The following ATP2B4 variants were observed in gnomAD, a reference collection of about 807,000 sequenced individuals.
ATP2B4 encodes ATPase plasma membrane Ca2+ transporting 4, also known as plasma membrane calcium-transporting ATPase 4.
In ATP2B4, 39 loss-of-function variants were observed where a neutral mutation model predicts 110.3. That is an observed-to-expected ratio of 0.35 (90% CI 0.27 to 0.46). The LOEUF (loss-of-function observed/expected upper bound fraction) is 0.46. Ranked by LOEUF, ATP2B4 falls within the 20% of genes least tolerant of loss-of-function variation. The pLI is 1.00. For synonymous variants in ATP2B4, 538 were observed against 571.7 expected (o/e 0.94, Z 0.84); for missense variants, 1,135 against 1,530.9 (o/e 0.74, Z 4.32).
rs57153257 is a variant in ATP2B4, at chr1:203,674,637, CTTTTTTTTTTTTT to C, written c.-464-8082_-464-8070del. Among the ~76,000 whole-genome samples, 331 of 46,232 alleles carry C rather than the reference CTTTTTTTTTTTTT, an allele frequency of 7.2e-3. 1 individual carries two copies. Among genetic ancestry groups the C allele is most frequent in the East Asian group, 0.032 (45 of 1,412 alleles). The allele number at this position is 46,232 out of a possible 152,430, so 30.3% of individuals were successfully genotyped here. On this transcript the variant is annotated intron_variant, in intron 1 of 20. Coordinates refer to ENST00000357681, the MANE Select transcript of ATP2B4 (RefSeq NM_001684.5). ...CACAGGCGTGCAACACCACACCTGGCTTTTTTTTTTTTTTTTTTTTTTTTTTTTTTTTTTTCTG... is the reference window on the plus strand; with the variant it reads ...CACAGGCGTGCAACACCACACCTGGCTTTTTTTTTTTTTTTTTTTTTTCTG...
At chr1:203,717,610 TG>T (rs2102208471) in intron 15 of ATP2B4, among the ~76,000 whole-genome samples, 1 of 150,838 alleles carries the variant, frequency 6.6e-6, no homozygotes, top group Non-Finnish European at 1.5e-5. Context: ...TTCATTTTAA[TG>T]TGAAATGGTA....
intron 1 of ATP2B4, among the ~76,000 whole-genome samples, chr1:203,671,616 T>G (rs1381141128): frequency 2.6e-5 from 4 of 152,160 alleles, no homozygotes; most frequent in Non-Finnish European, 5.9e-5. Flanking sequence ...CCAAAAACCT[T>G]TCCCACGTCT....
intron 15 of ATP2B4, among the ~76,000 whole-genome samples, chr1:203,715,131 C>T (rs546291035): frequency 6.6e-5 from 10 of 152,004 alleles, no homozygotes; most frequent in Admixed American, 2.6e-4. Context: ...ATTTCATGGC[C>T]GGGTGCAGTG....
At chr1:203,670,331 A>C (rs1410741706) in intron 1 of ATP2B4, among the ~76,000 whole-genome samples, 1 of 152,136 alleles carries the variant, frequency 6.6e-6, no homozygotes, top group Non-Finnish European at 1.5e-5. Flanking sequence ...GGTGTGTGCC[A>C]CCACAGGTGG....
rs1452550923 is a variant in ATP2B4, at chr1:203,742,785, A to T, written c.*2931A>T. The T allele has an allele frequency of 6.6e-6, 1 of 152,014 alleles. No homozygotes were observed. The highest frequency in any genetic ancestry group is 6.6e-5 in the Admixed American group (1 of 15,266). The allele number at this position is 152,014 out of a possible 1,614,324, so 9.4% of individuals were successfully genotyped here. A position where few individuals can be genotyped will look rare whatever the true frequency, so the allele number is the denominator to read the frequency against. On this transcript the variant is annotated 3_prime_UTR_variant, in exon 21 of 21. Coordinates refer to ENST00000357681, the MANE Select transcript of ATP2B4 (RefSeq NM_001684.5). Reference sequence around the variant, plus strand: ...CGAATATCTCCTGGTCTATAAGGATACTCTGATTTGGGGTTTGCATTTTTC... The same window carrying T: ...CGAATATCTCCTGGTCTATAAGGATTCTCTGATTTGGGGTTTGCATTTTTC...
At chr1:203,658,512 C>T (rs941970126) in intron 1 of ATP2B4, among the ~76,000 whole-genome samples, 1 of 149,906 alleles carries the variant, frequency 6.7e-6, no homozygotes, top group African/African-American at 2.5e-5. Flanking sequence ...CCCTGGCCAA[C>T]AGAGGGAGAC....
chr1:203,737,459 C>T (rs1440241805), intron 20 of ATP2B4, among the ~76,000 whole-genome samples: 1 of 152,118 alleles, frequency 6.6e-6, no homozygotes, highest in East Asian at 1.9e-4. Context: ...ATCTCTTGGC[C>T]AGTGTATCTG....
At chr1:203,650,527 G>A (rs1004725203) in intron 1 of ATP2B4, among the ~76,000 whole-genome samples, 1 of 152,216 alleles carries the variant, frequency 6.6e-6, no homozygotes, top group Non-Finnish European at 1.5e-5. Context: ...GGGCTAAGGC[G>A]TTTGTTTCCC....
rs1019768323 is a variant in ATP2B4 at position 203,723,925 on chromosome 1, C to G, written c.3069C>G (p.Ser1023Arg). The G allele has an allele frequency of 1.9e-6, 3 of 1,611,932 alleles. No individual in the cohort carries two copies. Among genetic ancestry groups the G allele is most frequent in the Non-Finnish European group, 2.5e-6 (3 of 1,179,172 alleles). Residue 1023 changes from serine (S) to arginine (R), a missense_variant, in exon 19 of 21, where the codon AGC (serine) becomes AGG (arginine). Ser to Arg is a moderately radical substitution (Grantham distance 110). Around this residue, in one of 9 missense-constraint regions of ATP2B4, gnomAD observed 155 missense variants for 186.2 expected, o/e 0.83. Transcript: ENST00000357681. ...EFGGKPFSCT[S>R]LSLSQWLWCL... ...GGGGTAAACCCTTCAGTTGTACAAG[C>G]CTCAGCCTGTCTCAGTGGCTGTGGT... is the stretch of plus-strand genomic sequence containing the variant.
rs1666891697 is a variant in ATP2B4, at chr1:203,736,916, C to T, written c.3310-2630C>T. 4.6e-5 allele frequency among the ~76,000 whole-genome samples: 7 copies of T among 152,180 alleles called. No individual in the cohort carries two copies. In the South Asian group the frequency reaches 1.4e-3, roughly 32 times the overall value. On this transcript the variant is annotated intron_variant, in intron 20 of 20. Transcript: ENST00000357681. ...CAGCCCCATGCCCTCTCCTCCCTCA[C>T]CCTTCTCTCCACCCACCAAGCCAGC... is the stretch of plus-strand genomic sequence containing the variant.
At chr1:203,733,261 T>C (rs1220695358) in intron 20 of ATP2B4, 1 of 1,613,900 alleles carries the variant, frequency 6.2e-7, no homozygotes, top group South Asian at 1.1e-5. Flanking sequence ...GAGCCTCTTT[T>C]AAGGGAGTCC....
chr1:203,723,420 ATCTCTCTCTC>A (rs34964110), intron 18 of ATP2B4, among the ~76,000 whole-genome samples: 12 of 44,576 alleles, frequency 2.7e-4, no homozygotes, highest in East Asian at 1.5e-3. Context: ...TGAGACAGAT[ATCTCTCTCTC>A]TCTCTCTCTC....
chr1:203,679,608 G>C (rs1460854341), intron 1 of ATP2B4, among the ~76,000 whole-genome samples: 1 of 152,164 alleles, frequency 6.6e-6, no homozygotes, highest in Non-Finnish European at 1.5e-5. Flanking sequence ...AATTCTGCCA[G>C]GCGCAGTAGT....
At chr1:203,671,451 G>A (rs1352056280) in intron 1 of ATP2B4, among the ~76,000 whole-genome samples, 4 of 152,068 alleles carry the variant, frequency 2.6e-5, no homozygotes, top group Non-Finnish European at 5.9e-5. Flanking sequence ...GTGAGCCACC[G>A]CACCTGCCTC....
In ATP2B4 at chr1:203,698,160, T is replaced by C. The variant is rs772877126; in HGVS notation, c.197T>C (p.Leu66Pro). 2 of 1,614,178 alleles carry C rather than the reference T, an allele frequency of 1.2e-6. No individual in the cohort carries two copies. The highest frequency in any genetic ancestry group is 1.7e-6 in the Non-Finnish European group (2 of 1,180,032). ...SRLKTSPVEGLSGNPADLEKR... is the reference protein window; with the variant it reads ...SRLKTSPVEGPSGNPADLEKR... ...TCCACTCCTATCTCCTTTTCAGGTC[T>C]GTCTGGGAACCCTGCAGATCTGGAG... The change falls in exon 3 of 21, where the codon CTG becomes CCG. Residue 66 changes from leucine to proline, a missense_variant. Leu to Pro is a moderately conservative substitution (Grantham distance 98). This residue lies in a region of ATP2B4 where 122 missense variants were observed against 125.2 expected (regional missense o/e 0.97). Transcript: ENST00000357681.
Position 203,713,201 on chromosome 1 carries a change from C to A in ATP2B4, c.2248C>A (p.Leu750Ile), listed in dbSNP as rs1043448887. The A allele has an allele frequency of 1.2e-6, 2 of 1,614,028 alleles. No homozygotes were observed. The highest frequency in any genetic ancestry group is 2.7e-5 in the African/African-American group (2 of 74,912). Reference sequence around the variant, plus strand: ...AAAGCTGGACAAGATCTGGCCTAAGCTTCGGGTCCTGGCGCGATCTTCTCC... The same window carrying A: ...AAAGCTGGACAAGATCTGGCCTAAGATTCGGGTCCTGGCGCGATCTTCTCC... ...QEKLDKIWPKLRVLARSSPTD... is the reference protein window; with the variant it reads ...QEKLDKIWPKIRVLARSSPTD... Residue 750 changes from leucine to isoleucine, a missense_variant, in exon 14 of 21, where the codon CTT becomes ATT. Around this residue, in one of 9 missense-constraint regions of ATP2B4, gnomAD observed 368 missense variants for 455.9 expected, o/e 0.81. Transcript: ENST00000357681.
rs568727298 is a variant in ATP2B4 at position 203,697,480 on chromosome 1, T to C, written c.194-677T>C. On this transcript the variant is annotated intron_variant, in intron 2 of 20. Coordinates refer to ENST00000357681, the MANE Select transcript of ATP2B4 (RefSeq NM_001684.5). ...ATTTAATGTTCTCAGAGCTGGAGCCTGGGGCATACTCAATCAGTAGCAGAT... is the reference window on the plus strand; with the variant it reads ...ATTTAATGTTCTCAGAGCTGGAGCCCGGGGCATACTCAATCAGTAGCAGAT... Among the ~76,000 whole-genome samples the C allele has an allele frequency of 8.7e-4, 132 of 152,364 alleles. 1 individual carries two copies. The highest frequency in any genetic ancestry group is 3.1e-3 in the African/African-American group (130 of 41,588).
intron 14 of ATP2B4, among the ~76,000 whole-genome samples, chr1:203,713,699 A>C (rs1666079505): frequency 6.6e-6 from 1 of 152,140 alleles, no homozygotes; most frequent in South Asian, 2.1e-4. Context: ...TCCTGACCCC[A>C]GGTGATCCGC....
At chr1:203,639,808 T>C (rs753670253) in intron 1 of ATP2B4, among the ~76,000 whole-genome samples, 1 of 152,188 alleles carries the variant, frequency 6.6e-6, no homozygotes, top group Non-Finnish European at 1.5e-5. Flanking sequence ...GGGGTGGAGA[T>C]GTTCTGTTGC....
Sources: gnomAD v4.1 joint callset for allele counts (sites outside exome capture counted in the v4.1 genomes callset) on GRCh38, gnomAD v4.1.1 for gene constraint, gnomAD v4.1.1 regional missense constraint, MANE v1.5 for transcripts, NCBI Gene and HGNC (gene_info 2026-07-23, HGNC 2026-07-21) for gene names.